Variants in TMEM117 observed in about 807,000 individuals in gnomAD.
TMEM117 encodes the protein transmembrane protein 117.
Under a neutral mutation model 52.4 loss-of-function variants are expected in TMEM117, and 27 were observed. The observed-to-expected ratio is 0.51, with a 90% CI of 0.38 to 0.71. The LOEUF is 0.71. Among genes scored for constraint, TMEM117 ranks in the 30% least tolerant of loss-of-function variants. The pLI, the probability that TMEM117 is intolerant of heterozygous loss-of-function variation, is 0.00. For missense variants in TMEM117, 556 were observed against 630.5 expected (o/e 0.88, Z 1.26); for synonymous variants, 215 against 206.3 (o/e 1.04, Z -0.36).
At chr12:43,990,350 T>C (rs1945918197) in intron 3 of TMEM117, among the ~76,000 whole-genome samples, 2 of 152,166 alleles carry the variant, frequency 1.3e-5, no homozygotes, top group South Asian at 4.1e-4. Context: ...CAAAAATGAC[T>C]TTAAGGTAAC....
At chr12:43,847,325 A>G (rs931129808) in intron 2 of TMEM117, among the ~76,000 whole-genome samples, 14 of 152,196 alleles carry the variant, frequency 9.2e-5, no homozygotes, top group African/African-American at 2.7e-4. Flanking sequence ...GATTGGTACT[A>G]TATTAGGTAT....
At chr12:44,268,884 T>A (rs77177801) in intron 5 of TMEM117, among the ~76,000 whole-genome samples, 1,623 of 152,198 alleles carry the variant, frequency 0.011, 11 homozygotes, top group African/African-American at 0.018. Flanking sequence ...CCCTCCCAGA[T>A]CACAGTTCCC....
chr12:44,296,095 T>G (rs1015181935), intron 5 of TMEM117, among the ~76,000 whole-genome samples: 8 of 151,824 alleles, frequency 5.3e-5, no homozygotes, highest in African/African-American at 1.9e-4. Flanking sequence ...AGGAGCAGAG[T>G]GTATATGGAT....
the TMEM117 span, among the ~76,000 whole-genome samples, chr12:43,820,119 T>C: frequency 6.6e-6 from 1 of 152,062 alleles, no homozygotes; most frequent in South Asian, 2.1e-4. Context: ...GTTTTTGTTT[T>C]TGTTTTTGTT....
At chr12:44,035,382 T>TA in intron 3 of TMEM117, among the ~76,000 whole-genome samples, 1 of 152,362 alleles carries the variant, frequency 6.6e-6, no homozygotes, top group East Asian at 1.9e-4. Context: ...TTATTGAGTG[T>TA]TACTGTATGC....
At chr12:43,940,130 A>G (rs1945020170) in intron 2 of TMEM117, among the ~76,000 whole-genome samples, 1 of 152,206 alleles carries the variant, frequency 6.6e-6, no homozygotes, top group Admixed American at 6.5e-5. Flanking sequence ...CTTGACCAAC[A>G]TTCATGTAGT....
the TMEM117 span, chr12:43,799,590 G>A: frequency 1.6e-6 from 1 of 611,506 alleles, no homozygotes; most frequent in Non-Finnish European, 2.7e-6. Flanking sequence ...ATCATTAACA[G>A]AAAAGATTTT....
chr12:44,233,381 CATTT>C (rs1949956217), intron 5 of TMEM117, among the ~76,000 whole-genome samples: 1 of 151,102 alleles, frequency 6.6e-6, no homozygotes, highest in Admixed American at 6.6e-5. Flanking sequence ...TAGTAAATCA[CATTT>C]ATTTATTTTC....
At chr12:44,049,191 A>G (rs192921876) in intron 3 of TMEM117, among the ~76,000 whole-genome samples, 43 of 152,346 alleles carry the variant, frequency 2.8e-4, no homozygotes, top group Middle Eastern at 6.8e-3. Context: ...TAGACTGGAT[A>G]AAGCAAATAT....
At chr12:43,904,238 G>A (rs558512668) in intron 2 of TMEM117, among the ~76,000 whole-genome samples, 241 of 152,188 alleles carry the variant, frequency 1.6e-3, no homozygotes, top group Middle Eastern at 3.4e-3. Flanking sequence ...GGCCAGACAC[G>A]GTGGCTCATG....
chr12:44,071,706 G>A (rs990199045), intron 3 of TMEM117, among the ~76,000 whole-genome samples: 6 of 152,062 alleles, frequency 3.9e-5, no homozygotes, highest in Admixed American at 2.0e-4. Flanking sequence ...AATGAGGAGC[G>A]GTGATGAAAT....
intron 5 of TMEM117, 50 bp downstream of exon 5, chr12:44,211,437 G>C (rs370435298): frequency 4.5e-6 from 6 of 1,322,042 alleles, no homozygotes; most frequent in Admixed American, 1.9e-5. Flanking sequence ...ATTCACTGAA[G>C]GACTTTAGTT....
chr12:44,227,142 C>G (rs189167595), intron 5 of TMEM117, among the ~76,000 whole-genome samples: 2 of 152,102 alleles, frequency 1.3e-5, no homozygotes, highest in Non-Finnish European at 2.9e-5. Context: ...ATTTGCATTA[C>G]AGGGTCATAG....
intron 3 of TMEM117, among the ~76,000 whole-genome samples, chr12:44,076,252 A>G (rs569228514): frequency 2.6e-5 from 4 of 152,348 alleles, no homozygotes; most frequent in African/African-American, 9.6e-5. Flanking sequence ...GGTTATTGAT[A>G]ACATTAAGAA....
rs1946297076 is a variant in TMEM117, at chr12:44,011,897, A to G, written c.410+67555A>G. 2.0e-5 allele frequency among the ~76,000 whole-genome samples: 3 copies of G among 152,214 alleles called. No homozygotes were observed. In the South Asian group the frequency reaches 6.2e-4, roughly 32 times the overall value. ...ATATACATTTATAGCATATAAACAT[A>G]TATACACTGGACAAAGAGATGATTC... is the stretch of plus-strand genomic sequence containing the variant. On this transcript the variant is annotated intron_variant, in intron 3 of 7. Transcript: ENST00000266534.
chr12:44,203,031 G>A (rs959501446), intron 4 of TMEM117, among the ~76,000 whole-genome samples: 3 of 152,136 alleles, frequency 2.0e-5, no homozygotes, highest in Admixed American at 2.0e-4. Context: ...TTGACCTCAG[G>A]TGATCTGACC....
intron 5 of TMEM117, among the ~76,000 whole-genome samples, chr12:44,251,163 G>T (rs763955452): frequency 1.3e-5 from 2 of 152,228 alleles, no homozygotes; most frequent in Non-Finnish European, 2.9e-5. Context: ...TCTGATGGAT[G>T]CACTACAAAG....
At chr12:44,277,929 A>AAT (rs1950534639) in intron 5 of TMEM117, among the ~76,000 whole-genome samples, 2 of 151,814 alleles carry the variant, frequency 1.3e-5, no homozygotes, top group Non-Finnish European at 2.9e-5. Flanking sequence ...ATGCCCAGCT[A>AAT]ATTTTTGTAT....
intron 4 of TMEM117, among the ~76,000 whole-genome samples, chr12:44,209,927 G>C (rs576786667): frequency 6.6e-6 from 1 of 151,972 alleles, no homozygotes; most frequent in East Asian, 1.9e-4. Context: ...CAGGAAGTCC[G>C]GTATTATTGA....
Sources: gnomAD v4.1 joint callset for allele counts (sites outside exome capture counted in the v4.1 genomes callset) on GRCh38, gnomAD v4.1.1 for gene constraint, MANE v1.5 for transcripts, NCBI Gene and HGNC (gene_info 2026-07-23, HGNC 2026-07-21) for gene names.